The following CAP1 variants were observed in gnomAD, a reference collection of about 807,000 sequenced individuals.
CAP1 encodes adenylyl cyclase-associated protein 1.
Under a neutral mutation model 58.2 loss-of-function variants are expected in CAP1, and 11 were observed. The ratio of observed to expected loss-of-function variants is 0.19; its 90% CI spans 0.12 to 0.31. The LOEUF (loss-of-function observed/expected upper bound fraction) is 0.31, where lower values mean the gene tolerates loss of function less well. Ranked by LOEUF, CAP1 falls within the 10% of genes least tolerant of loss-of-function variation. CAP1 has a pLI of 1.00. For missense variants in CAP1, 423 were observed against 587.5 expected, an observed-to-expected ratio of 0.72 and a Z score of 2.89; for synonymous variants, 183 against 213.8, an observed-to-expected ratio of 0.86 and a Z score of 1.26.
rs61781910 is a variant in CAP1 at position 40,069,667 on chromosome 1, C to T, written c.809-23C>T. The T allele has an allele frequency of 3.6e-3, 5,805 of 1,604,260 alleles. 108 individuals are homozygous for T. In the East Asian group the frequency reaches 0.042, roughly 12 times the overall value. On this transcript the variant is annotated intron_variant, in intron 8 of 12. Coordinates refer to ENST00000372805, the MANE Select transcript of CAP1 (RefSeq NM_006367.4). ...AAAGGTCTGGTATGAAGGACAGGAA[C>T]AAGGTAGCTGTTGTTCTTACAGCCC...
chr1:40,043,950 TATCTC>T (rs1392657004), intron 1 of CAP1, among the ~76,000 whole-genome samples: 1 of 152,180 alleles, frequency 6.6e-6, no homozygotes, highest in Non-Finnish European at 1.5e-5. Context: ...GCATAATTGA[TATCTC>T]AGAGAAGTTT....
chr1:40,068,406 G>T (rs978685949), intron 8 of CAP1, among the ~76,000 whole-genome samples: 3 of 151,882 alleles, frequency 2.0e-5, no homozygotes, highest in Non-Finnish European at 4.4e-5. Context: ...GAGTACCTGG[G>T]ATTACAGCCA....
chr1:40,059,585 A>G, intron 2 of CAP1, 127 bp downstream of exon 2: 2 of 637,996 alleles, frequency 3.1e-6, no homozygotes, highest in Non-Finnish European at 5.7e-6. Context: ...TGTAATTTGT[A>G]TTGCTGTGAA....
chr1:40,048,105 G>A (rs1483553402), intron 1 of CAP1, among the ~76,000 whole-genome samples: 4 of 150,892 alleles, frequency 2.7e-5, no homozygotes, highest in South Asian at 2.1e-4. Context: ...CGTAACCTCC[G>A]CCTCCCGGGT....
chr1:40,063,114 A>T (rs910765829), intron 4 of CAP1, among the ~76,000 whole-genome samples: 1 of 152,050 alleles, frequency 6.6e-6, no homozygotes, highest in Non-Finnish European at 1.5e-5. Context: ...CTCCCACCTC[A>T]GCCTCCTGAG....
chr1:40,043,804 G>A (rs548775039), intron 1 of CAP1, among the ~76,000 whole-genome samples: 1 of 152,174 alleles, frequency 6.6e-6, no homozygotes, highest in South Asian at 2.1e-4. Context: ...TTGAACCCGG[G>A]AGGCGGAGGT....
intron 6 of CAP1, among the ~76,000 whole-genome samples, 164 bp downstream of exon 6, chr1:40,064,723 G>A (rs1195440618): frequency 1.3e-5 from 2 of 151,998 alleles, no homozygotes; most frequent in Admixed American, 6.6e-5. Flanking sequence ...CTTCAGGCAC[G>A]CTCCACCATG....
chr1:40,044,458 C>T (rs919052578), intron 1 of CAP1, among the ~76,000 whole-genome samples: 6 of 152,140 alleles, frequency 3.9e-5, no homozygotes, highest in African/African-American at 1.4e-4. Context: ...TTTGTGCTAA[C>T]CTGGCTTTCA....
rs758371704 is a variant in CAP1, at chr1:40,070,996, C to T, written c.1344+17C>T. The T allele has an allele frequency of 1.2e-5, 19 of 1,588,456 alleles. No homozygotes were observed. The highest frequency in any genetic ancestry group is 2.3e-5 in the South Asian group (2 of 88,152). Reference sequence around the variant, plus strand: ...GGTGACTTTGTAAGTTTCTTGATCTCTTTAGTATGATGTTAAAAACAGAAG... The same window carrying T: ...GGTGACTTTGTAAGTTTCTTGATCTTTTTAGTATGATGTTAAAAACAGAAG... On this transcript the variant is annotated intron_variant, in intron 12 of 12. Transcript: ENST00000372805.
At chr1:40,071,128 C>T (rs1430145787) in intron 12 of CAP1, 149 bp downstream of exon 12, 2 of 792,416 alleles carry the variant, frequency 2.5e-6, no homozygotes, top group African/African-American at 3.5e-5. Flanking sequence ...TGAGGTAGTC[C>T]CATGTAGTGG....
At position 40,067,430 on chromosome 1, in the gene CAP1, C is replaced by T. The variant is rs796065480; in HGVS notation, c.631-110C>T. Reference sequence around the variant, plus strand: ...GGGTAGGACACATTAATCATTGCCTCAAAGGCTGTGGTGGGGACCCCATGT... The same window carrying T: ...GGGTAGGACACATTAATCATTGCCTTAAAGGCTGTGGTGGGGACCCCATGT... On this transcript the variant is annotated intron_variant, in intron 7 of 12. Coordinates refer to ENST00000372805, the MANE Select transcript of CAP1 (RefSeq NM_006367.4). 57 of 912,584 alleles carry T rather than the reference C, an allele frequency of 6.2e-5. No individual in the cohort carries two copies. The African/African-American group carries it at 8.0e-4, about 13-fold the overall frequency. The allele number at this position is 912,584 out of a possible 1,614,324, so 56.5% of individuals were successfully genotyped here.
intron 1 of CAP1, among the ~76,000 whole-genome samples, chr1:40,047,500 T>TA (rs1347294930): frequency 6.6e-6 from 1 of 152,228 alleles, no homozygotes; most frequent in Non-Finnish European, 1.5e-5. Flanking sequence ...ATTATAGACT[T>TA]ACAGTCTTTC....
chr1:40,050,148 A>G (rs1283132785), intron 1 of CAP1, among the ~76,000 whole-genome samples: 2 of 151,960 alleles, frequency 1.3e-5, no homozygotes, highest in South Asian at 2.1e-4. Context: ...CTGGCATAAG[A>G]TGGTGTTTTT....
chr1:40,067,012 C>T (rs1233033390), intron 7 of CAP1, among the ~76,000 whole-genome samples: 1 of 152,082 alleles, frequency 6.6e-6, no homozygotes, highest in Non-Finnish European at 1.5e-5. Flanking sequence ...GACTCATGCT[C>T]AGATTATGAA....
rs1188738027 is a variant in CAP1, at chr1:40,071,982, C to CTAA, written c.*451_*453dup. On this transcript the variant is annotated 3_prime_UTR_variant, in exon 13 of 13. Coordinates refer to ENST00000372805, the MANE Select transcript of CAP1 (RefSeq NM_006367.4). Reference sequence around the variant, plus strand: ...TTTCCAGATGGTTCTTCTAACCAAACTAATTTTTCACTGTTGACAAGCGAG... The same window carrying CTAA: ...TTTCCAGATGGTTCTTCTAACCAAACTAATAATTTTTCACTGTTGACAAGCGAG... 1 of 407,524 alleles carries CTAA rather than the reference C, an allele frequency of 2.5e-6. No homozygotes were observed. Among genetic ancestry groups the CTAA allele is most frequent in the African/African-American group, 2.1e-5 (1 of 48,752 alleles). The allele number at this position is 407,524 out of a possible 1,614,324, so 25.2% of individuals were successfully genotyped here.
chr1:40,047,518 CT>C (rs1646159881), intron 1 of CAP1, among the ~76,000 whole-genome samples: 18 of 152,130 alleles, frequency 1.2e-4, no homozygotes, highest in Admixed American at 1.2e-3. Context: ...TTCCATATTC[CT>C]ACTTGTAGAT....
Position 40,071,388 on chromosome 1 carries a change from A to G in CAP1, c.1345-62A>G. 7.5e-6 allele frequency: 9 copies of G among 1,194,014 alleles called. No individual in the cohort carries two copies. The South Asian group carries it at 1.1e-4, about 15-fold the overall frequency. The allele number at this position is 1,194,014 out of a possible 1,614,324, so 74.0% of individuals were successfully genotyped here. A position where few individuals can be genotyped will look rare whatever the true frequency, so the allele number is the denominator to read the frequency against. On this transcript the variant is annotated intron_variant, in intron 12 of 12. Coordinates refer to ENST00000372805, the MANE Select transcript of CAP1 (RefSeq NM_006367.4). ...AAGCAAGCATTGGGAGAAATGTGTG[A>G]GATTTAGCCCCAGCTGTTCTTTAGC...
At position 40,064,238 on chromosome 1, in the gene CAP1, C is replaced by T. The variant is rs777626332; in HGVS notation, c.306C>T (p.Ser102=). Reference sequence around the variant, plus strand: ...GTATCTTTTCCTAGAATAAGCTTTCCGATTTGTTGGCACCCATCTCAGAGC... The same window carrying T: ...GTATCTTTTCCTAGAATAAGCTTTCTGATTTGTTGGCACCCATCTCAGAGC... ...QCQQPAENKL[S]DLLAPISEQI... The change falls in exon 5 of 13, where the codon TCC becomes TCT. Residue 102 remains serine (S), a synonymous_variant. Coordinates refer to ENST00000372805, the MANE Select transcript of CAP1 (RefSeq NM_006367.4). 2.2e-5 allele frequency: 35 copies of T among 1,613,850 alleles called. No homozygotes were observed. Among genetic ancestry groups the T allele is most frequent in the Non-Finnish European group, 2.6e-5 (31 of 1,179,940 alleles).
At chr1:40,052,260 T>C (rs988722782) in intron 1 of CAP1, among the ~76,000 whole-genome samples, 3 of 152,200 alleles carry the variant, frequency 2.0e-5, no homozygotes, top group African/African-American at 7.2e-5. Context: ...CTTATATCTG[T>C]GTATGCTAGA....
Sources: gnomAD v4.1 joint callset for allele counts (sites outside exome capture counted in the v4.1 genomes callset) on GRCh38, gnomAD v4.1.1 for gene constraint, MANE v1.5 for transcripts, NCBI Gene and HGNC (gene_info 2026-07-23, HGNC 2026-07-21) for gene names.